RFC1: variants seen among roughly 807,000 people sequenced by gnomAD.
RFC1 encodes the protein replication factor C subunit 1.
In RFC1, 37 loss-of-function variants were observed where a neutral mutation model predicts 137.4. The observed-to-expected ratio is 0.27, with a 90% CI of 0.21 to 0.35. The LOEUF (loss-of-function observed/expected upper bound fraction) is 0.35, where lower values mean the gene tolerates loss of function less well. RFC1 is among the 10% of genes least tolerant of loss of function. RFC1 has a pLI of 1.00. For synonymous variants in RFC1, 429 were observed against 455.7 expected, an observed-to-expected ratio of 0.94 and a Z score of 0.75; for missense variants, 1,205 against 1,358.5, an observed-to-expected ratio of 0.89 and a Z score of 1.78.
At chr4:39,316,547 A>G (rs952660681) in intron 10 of RFC1, among the ~76,000 whole-genome samples, 1 of 152,150 alleles carries the variant, frequency 6.6e-6, no homozygotes, top group Non-Finnish European at 1.5e-5. Flanking sequence ...CCTCTGTTAT[A>G]CTACCTAAGG....
chr4:39,360,373 T>A (rs1167048818), intron 1 of RFC1, among the ~76,000 whole-genome samples: 1 of 151,900 alleles, frequency 6.6e-6, no homozygotes, highest in African/African-American at 2.4e-5. Context: ...CGTGGTGGCA[T>A]ACGTCTGTAG....
At chr4:39,290,802 T>C (rs1373558798) in intron 23 of RFC1, among the ~76,000 whole-genome samples, 2 of 132,002 alleles carry the variant, frequency 1.5e-5, no homozygotes, top group Non-Finnish European at 3.1e-5. Flanking sequence ...GCAACAGAGC[T>C]AGACTGTCTC....
At chr4:39,334,854 T>C (rs1321824433) in intron 4 of RFC1, among the ~76,000 whole-genome samples, 1 of 152,234 alleles carries the variant, frequency 6.6e-6, no homozygotes, top group African/African-American at 2.4e-5. Flanking sequence ...CACATTATCC[T>C]ACACACAGCA....
chr4:39,314,432 G>A (rs955831174), intron 10 of RFC1, among the ~76,000 whole-genome samples: 5 of 151,944 alleles, frequency 3.3e-5, no homozygotes, highest in East Asian at 3.9e-4. Flanking sequence ...AGCACTTCTA[G>A]CCTCCCTATC....
intron 8 of RFC1, 101 bp from the exon 9 acceptor site, chr4:39,320,770 A>G: frequency 8.6e-7 from 1 of 1,168,052 alleles, no homozygotes; most frequent in Non-Finnish European, 1.2e-6. Flanking sequence ...CACAGAATAT[A>G]CCCTGAAGGC....
rs1336828555 is a variant in RFC1, at chr4:39,323,412, C to T, written c.648G>A (p.Glu216=). The part of the protein sequence containing the change: ...QLQLDEDAEL[E]RQLHEDEEFA... The stretch of plus-strand genomic sequence containing the variant: ...ACTCTTCATCTTCATGCAACTGCCT[C>T]TCCAGCTGTAAAATGTGTCAGCAAA... Residue 216 remains glutamate, a synonymous_variant, in exon 7 of 25, where the codon GAG becomes GAA. Coordinates refer to ENST00000349703, the MANE Select transcript of RFC1 (RefSeq NM_002913.5). 6.2e-7 allele frequency: 1 copy of T among 1,613,910 alleles called. No individual in the cohort carries two copies. Among genetic ancestry groups the T allele is most frequent in the African/African-American group, 1.3e-5 (1 of 74,928 alleles).
intron 2 of RFC1, among the ~76,000 whole-genome samples, chr4:39,346,416 C>T (rs997088688): frequency 6.7e-6 from 1 of 150,248 alleles, no homozygotes; most frequent in African/African-American, 2.5e-5. Context: ...GCAGAGGTTG[C>T]AGTAAGCCAA....
chr4:39,343,822 C>T (rs894852316), intron 3 of RFC1, among the ~76,000 whole-genome samples: 3 of 152,002 alleles, frequency 2.0e-5, no homozygotes, highest in African/African-American at 7.2e-5. Context: ...TAAGAATTCA[C>T]ACCAGAAGGC....
In RFC1 at chr4:39,366,325, C is replaced by A. The variant is rs142742452; in HGVS notation, c.-84G>T. ...TATCGAGGCTCAGGATCCATTCGCG[C>A]CAACAACTTCTCCCGCGAAGTGCAA... On this transcript the variant is annotated 5_prime_UTR_variant, in exon 1 of 25. Transcript: ENST00000349703. 5.1e-6 allele frequency: 7 copies of A among 1,383,296 alleles called. No homozygotes were observed. In the East Asian group the frequency reaches 2.0e-4, roughly 40 times the overall value. The allele number at this position is 1,383,296 out of a possible 1,614,324, so 85.7% of individuals were successfully genotyped here.
rs1738862634 is a variant in RFC1 at position 39,309,550 on chromosome 4, G to A, written c.1489-518C>T. 5.3e-5 allele frequency among the ~76,000 whole-genome samples: 8 copies of A among 152,324 alleles called. No individual in the cohort carries two copies. In the South Asian group the frequency reaches 1.7e-3, roughly 32 times the overall value. On this transcript the variant is annotated intron_variant, in intron 12 of 24. Coordinates refer to ENST00000349703, the MANE Select transcript of RFC1 (RefSeq NM_002913.5). ...CCCAGGTCAACCTTGAAACCACTATGCTAAGTGGAAGAAGCCAGACACAAA... is the reference window on the plus strand; with the variant it reads ...CCCAGGTCAACCTTGAAACCACTATACTAAGTGGAAGAAGCCAGACACAAA...
At chr4:39,343,062 C>T (rs1003596254) in intron 3 of RFC1, among the ~76,000 whole-genome samples, 2 of 152,180 alleles carry the variant, frequency 1.3e-5, no homozygotes, top group African/African-American at 2.4e-5. Context: ...CGGAGTCTCG[C>T]TCTGTTGTGG....
intron 22 of RFC1, among the ~76,000 whole-genome samples, chr4:39,292,936 C>G (rs1431335159): frequency 1.3e-5 from 2 of 152,078 alleles, no homozygotes; most frequent in Non-Finnish European, 2.9e-5. Context: ...TGAGCCACCG[C>G]ACCCAGCCTG....
At chr4:39,302,990 A>G in intron 16 of RFC1, 70 bp downstream of exon 16, 1 of 1,472,674 alleles carries the variant, frequency 6.8e-7, no homozygotes, top group Non-Finnish European at 9.5e-7. Flanking sequence ...CCTAAGTATG[A>G]GAGAATGACA....
Position 39,316,929 on chromosome 4 carries a change from T to C in RFC1, c.1189A>G (p.Lys397Glu). ...NREGPKALGSKEIPKGAENCL... is the reference protein window; with the variant it reads ...NREGPKALGSEEIPKGAENCL... ...AGTACTCTTACCTTTGGTATTTCTT[T>C]GGAGCCCAGAGCCTTGGGACCTTCT... Residue 397 changes from lysine (K) to glutamate (E), a missense_variant, in exon 10 of 25, where the codon AAA becomes GAA. Physicochemically the swap from Lys to Glu is moderately conservative, Grantham distance 56. This residue lies in a region of RFC1 where 962 missense variants were observed against 1,035.3 expected (regional missense o/e 0.93). Coordinates refer to ENST00000349703, the MANE Select transcript of RFC1 (RefSeq NM_002913.5). 1 of 1,612,996 alleles carries C rather than the reference T, an allele frequency of 6.2e-7. No homozygotes were observed. Among genetic ancestry groups the C allele is most frequent in the Non-Finnish European group, 8.5e-7 (1 of 1,178,980 alleles).
At chr4:39,323,254 T>C (rs943703042) in intron 7 of RFC1, 86 bp downstream of exon 7, 3 of 874,960 alleles carry the variant, frequency 3.4e-6, no homozygotes, top group African/African-American at 3.5e-5. Flanking sequence ...AAGTTATTCA[T>C]GTTTTGGCTA....
chr4:39,295,512 TAAAAAC>T, intron 22 of RFC1, 96 bp downstream of exon 22: 1 of 1,005,112 alleles, frequency 9.9e-7, no homozygotes, highest in South Asian at 2.2e-5. Flanking sequence ...ACCAATAAAA[TAAAAAC>T]TAAAACACAA....
In RFC1 at chr4:39,323,426, T is replaced by C. The variant is rs1739618750; in HGVS notation, c.643-9A>G. On this transcript the variant is annotated splice_polypyrimidine_tract_variant and intron_variant, in intron 6 of 24. Transcript: ENST00000349703. ...TGCAACTGCCTCTCCAGCTGTAAAA[T>C]GTGTCAGCAAAGTGAGTTGAGTTGC... 2 of 1,613,698 alleles carry C rather than the reference T, an allele frequency of 1.2e-6. No homozygotes were observed. Among genetic ancestry groups the C allele is most frequent in the Middle Eastern group, 1.7e-4 (1 of 6,056 alleles).
intron 4 of RFC1, among the ~76,000 whole-genome samples, chr4:39,333,418 A>G (rs1303673291): frequency 7.2e-5 from 11 of 152,220 alleles, no homozygotes; most frequent in Admixed American, 7.2e-4. Context: ...ATATTTGCAT[A>G]TAAATTTAGT....
chr4:39,323,336 C>T lies in RFC1; in HGVS notation c.720+4G>A, dbSNP rs1739612227. 4 of 1,613,796 alleles carry T rather than the reference C, an allele frequency of 2.5e-6. No individual in the cohort carries two copies. Among genetic ancestry groups the T allele is most frequent in the Non-Finnish European group, 3.4e-6 (4 of 1,179,770 alleles). On this transcript the variant is annotated splice_donor_region_variant and intron_variant, in intron 7 of 24. Coordinates refer to ENST00000349703, the MANE Select transcript of RFC1 (RefSeq NM_002913.5). ...AGAACGCAAATAGCCCAACATTATGCCACCTTTTTGGTCTTGGGTTCTTCA... is the reference window on the plus strand; with the variant it reads ...AGAACGCAAATAGCCCAACATTATGTCACCTTTTTGGTCTTGGGTTCTTCA...
Sources: gnomAD v4.1 joint callset for allele counts (sites outside exome capture counted in the v4.1 genomes callset) on GRCh38, gnomAD v4.1.1 for gene constraint, gnomAD v4.1.1 regional missense constraint, MANE v1.5 for transcripts, NCBI Gene and HGNC (gene_info 2026-07-23, HGNC 2026-07-21) for gene names.